Variants in LARGE1 observed in about 807,000 individuals in gnomAD.
LARGE1 encodes the protein LARGE xylosyl- and glucuronyltransferase 1.
LARGE1 carries 43 observed loss-of-function variants against 87.6 expected under a neutral mutation model. That is an observed-to-expected ratio of 0.49 (90% confidence interval 0.38 to 0.63). The LOEUF (loss-of-function observed/expected upper bound fraction) is 0.63, where lower values mean the gene tolerates loss of function less well. Ranked by LOEUF, LARGE1 falls within the 30% of genes least tolerant of loss-of-function variation. The pLI, the probability that LARGE1 is intolerant of heterozygous loss-of-function variation, is 0.00. For missense variants in LARGE1, 802 were observed against 1,000.2 expected, an observed-to-expected ratio of 0.80 and a Z score of 2.67; for synonymous variants, 434 against 394.6, an observed-to-expected ratio of 1.10 and a Z score of -1.18.
chr22:33,528,043 CAT>C (rs2071999385), intron 6 of LARGE1, among the ~76,000 whole-genome samples: 2 of 143,794 alleles, frequency 1.4e-5, no homozygotes, highest in Admixed American at 7.6e-5. Flanking sequence ...GAAAAAAACC[CAT>C]ATGAGTAAAA....
intron 2 of LARGE1, among the ~76,000 whole-genome samples, chr22:33,722,184 C>G (rs927625120): frequency 6.6e-6 from 1 of 150,964 alleles, no homozygotes; most frequent in Admixed American, 6.6e-5. Context: ...ACCTGGGAGG[C>G]GGAGGTTGCA....
rs375656032 is a variant in LARGE1, at chr22:33,716,617, C to T, written c.106+44754G>A. On this transcript the variant is annotated intron_variant, in intron 2 of 14. Transcript: ENST00000397394. Reference sequence around the variant, plus strand: ...TTCACCATGTTGCCCAGGCTGGTCTCGAACTCCTGCATTCAAGAGCAATCC... The same window carrying T: ...TTCACCATGTTGCCCAGGCTGGTCTTGAACTCCTGCATTCAAGAGCAATCC... Among the ~76,000 whole-genome samples the T allele has an allele frequency of 5.2e-4, 79 of 152,236 alleles. 1 individual carries two copies. The South Asian group carries it at 9.5e-3, about 18-fold the overall frequency.
chr22:33,650,743 C>T, intron 2 of LARGE1, 75 bp from the exon 3 acceptor site: 1 of 1,533,092 alleles, frequency 6.5e-7, no homozygotes, highest in Non-Finnish European at 8.9e-7. Context: ...CCCCAGACAT[C>T]CCTTACTACA....
At chr22:33,873,196 C>T (rs9607086) in intron 1 of LARGE1, 32,217 of 152,178 alleles carry the variant, frequency 0.21, 3,635 homozygotes, top group Middle Eastern at 0.28. Context: ...AATCCGGCCC[C>T]GATAGAGCAC....
At chr22:33,748,426 G>A (rs1045266311) in intron 2 of LARGE1, among the ~76,000 whole-genome samples, 1 of 152,084 alleles carries the variant, frequency 6.6e-6, no homozygotes, top group South Asian at 2.1e-4. Context: ...CAACTCTGTT[G>A]ACTCCTTGAG....
chr22:33,861,256 T>C (rs74984184), intron 1 of LARGE1, among the ~76,000 whole-genome samples: 119 of 152,216 alleles, frequency 7.8e-4, no homozygotes, highest in Non-Finnish European at 1.4e-3. Flanking sequence ...CGTTTTTCTC[T>C]TCGTTAACTT....
At chr22:33,081,693 C>G in the LARGE1 span, among the ~76,000 whole-genome samples, 5 of 152,106 alleles carry the variant, frequency 3.3e-5, no homozygotes, top group East Asian at 1.9e-4. Flanking sequence ...CATAAAATAC[C>G]AGAGGTTTTG....
At chr22:33,414,340 A>G (rs988029119) in intron 7 of LARGE1, among the ~76,000 whole-genome samples, 1 of 152,158 alleles carries the variant, frequency 6.6e-6, no homozygotes, top group Non-Finnish European at 1.5e-5. Context: ...CTTAATAGGT[A>G]AAAGTTTCTG....
At chr22:33,765,707 CAAAAAAAA>C (rs33943950) in intron 1 of LARGE1, among the ~76,000 whole-genome samples, 2 of 69,908 alleles carry the variant, frequency 2.9e-5, no homozygotes, top group Non-Finnish European at 2.5e-5. Context: ...CTCCATCTCA[CAAAAAAAA>C]AAAAAAAAAA....
intron 2 of LARGE1, among the ~76,000 whole-genome samples, chr22:33,678,801 C>T (rs1057341728): frequency 6.6e-6 from 1 of 152,178 alleles, no homozygotes; most frequent in Non-Finnish European, 1.5e-5. Context: ...GGCGCATCTG[C>T]GACCGTTTTG....
At chr22:33,810,472 A>G (rs1308013743) in intron 1 of LARGE1, among the ~76,000 whole-genome samples, 1 of 152,172 alleles carries the variant, frequency 6.6e-6, no homozygotes, top group Non-Finnish European at 1.5e-5. Context: ...TCAGCTCTTC[A>G]GCTCTGAGCA....
intron 9 of LARGE1, among the ~76,000 whole-genome samples, chr22:33,371,063 T>C (rs2064791403): frequency 6.6e-6 from 1 of 150,854 alleles, no homozygotes; most frequent in Admixed American, 6.6e-5. Flanking sequence ...ATACATGTTA[T>C]AGAATAACAT....
intron 2 of LARGE1, among the ~76,000 whole-genome samples, chr22:33,680,830 A>G (rs2081744881): frequency 6.6e-6 from 1 of 151,936 alleles, no homozygotes; most frequent in Non-Finnish European, 1.5e-5. Flanking sequence ...AACTGAAAAG[A>G]TTATGTTGTG....
At chr22:33,783,713 T>C (rs1018018047) in intron 1 of LARGE1, among the ~76,000 whole-genome samples, 7 of 152,200 alleles carry the variant, frequency 4.6e-5, no homozygotes, top group Non-Finnish European at 2.9e-5. Context: ...CTACTACATA[T>C]GAGAAATTGC....
chr22:33,836,736 C>T (rs1381422562), intron 1 of LARGE1, among the ~76,000 whole-genome samples: 1 of 151,920 alleles, frequency 6.6e-6, no homozygotes, highest in Non-Finnish European at 1.5e-5. Context: ...TAACTTAACC[C>T]TTCTGTGATT....
chr22:33,274,608 A>G lies in LARGE1; in HGVS notation c.2090T>C (p.Val697Ala), dbSNP rs1279806849. 3 of 1,614,174 alleles carry G rather than the reference A, an allele frequency of 1.9e-6. No homozygotes were observed. Among genetic ancestry groups the G allele is most frequent in the Non-Finnish European group, 2.5e-6 (3 of 1,180,004 alleles). Residue 697 changes from valine (V) to alanine (A), a missense_variant, in exon 15 of 15, where the codon GTG (valine) becomes GCG (alanine). Around this residue, in one of 2 missense-constraint regions of LARGE1, gnomAD observed 625 missense variants for 841.9 expected, o/e 0.74. Coordinates refer to ENST00000397394, the MANE Select transcript of LARGE1 (RefSeq NM_133642.5). ...GTGGATCATGTAGGCGTTGGGCAGC[A>G]CAATGAACTCATACTCCTGGAAGAA... ...ELDVQEYEFI[V>A]LPNAYMIHMP...
In LARGE1 at chr22:33,537,141, C is replaced by T. The variant is rs555767566; in HGVS notation, c.787+27707G>A. On this transcript the variant is annotated intron_variant, in intron 6 of 14. Coordinates refer to ENST00000397394, the MANE Select transcript of LARGE1 (RefSeq NM_133642.5). Reference sequence around the variant, plus strand: ...CCATTTAAAGAAGTGTGTCAGTTTTCCTATTCCTTCTGTACCACATTTCAC... The same window carrying T: ...CCATTTAAAGAAGTGTGTCAGTTTTTCTATTCCTTCTGTACCACATTTCAC... Among the ~76,000 whole-genome samples, 348 of 152,314 alleles carry T rather than the reference C, an allele frequency of 2.3e-3. 1 individual carries two copies. The highest frequency in any genetic ancestry group is 3.4e-3 in the Non-Finnish European group (233 of 68,038).
chr22:33,390,477 G>A (rs1487539516), intron 7 of LARGE1, among the ~76,000 whole-genome samples: 2 of 152,146 alleles, frequency 1.3e-5, no homozygotes, highest in Non-Finnish European at 2.9e-5. Flanking sequence ...TGTGCTTCCT[G>A]TGCCAGCAGA....
chr22:33,660,037 A>G (rs1307254953), intron 2 of LARGE1, among the ~76,000 whole-genome samples: 1 of 150,444 alleles, frequency 6.6e-6, no homozygotes, highest in Non-Finnish European at 1.5e-5. Flanking sequence ...TTGAAACTTC[A>G]GGTTCAATGA....
Sources: allele counts gnomAD v4.1 joint callset (sites outside exome capture counted in the v4.1 genomes callset), GRCh38; gene constraint gnomAD v4.1.1; regional missense constraint gnomAD v4.1.1; transcripts MANE v1.5; gene names NCBI Gene and HGNC (gene_info 2026-07-23, HGNC 2026-07-21).